Variants in NELL1 observed in about 807,000 individuals in gnomAD.
The protein encoded by NELL1 is protein kinase C-binding protein NELL1.
Under a neutral mutation model 107.4 loss-of-function variants are expected in NELL1, and 76 were observed. The observed-to-expected ratio is 0.71, with a 90% CI of 0.59 to 0.86. NELL1 has a LOEUF of 0.86. Ranked by LOEUF, NELL1 falls within the 40% of genes least tolerant of loss-of-function variation. NELL1 has a pLI of 0.00. For missense variants in NELL1, 1,024 were observed against 1,005.5 expected (o/e 1.02, Z -0.25); for synonymous variants, 353 against 341.2 (o/e 1.03, Z -0.38).
chr11:21,273,246 C>T lies in NELL1; in HGVS notation c.1549+43792C>T, dbSNP rs150727950. 5.7e-3 allele frequency among the ~76,000 whole-genome samples: 874 copies of T among 152,192 alleles called. 6 individuals carry two copies. Among genetic ancestry groups the T allele is most frequent in the African/African-American group, 0.019 (797 of 41,504 alleles). ...GCTGAAAACCAAGGCATGCGAACTA[C>T]GTGATGAATGCACAAGCCTCAGTAG... is the stretch of plus-strand genomic sequence containing the variant. On this transcript the variant is annotated intron_variant, in intron 14 of 19. Coordinates refer to ENST00000357134, the MANE Select transcript of NELL1 (RefSeq NM_006157.5).
At chr11:20,688,572 T>C (rs1248807240) in intron 2 of NELL1, among the ~76,000 whole-genome samples, 1 of 152,160 alleles carries the variant, frequency 6.6e-6, no homozygotes, top group African/African-American at 2.4e-5. Flanking sequence ...TTGTTTCTTT[T>C]TATGGCTGTG....
At chr11:21,073,543 G>T (rs901682690) in intron 12 of NELL1, among the ~76,000 whole-genome samples, 5 of 152,234 alleles carry the variant, frequency 3.3e-5, no homozygotes, top group African/African-American at 1.2e-4. Flanking sequence ...ATGTCTTCAT[G>T]GGTAGGGCAA....
intron 3 of NELL1, among the ~76,000 whole-genome samples, chr11:20,818,469 T>C (rs1008469113): frequency 2.0e-5 from 3 of 150,364 alleles, no homozygotes; most frequent in African/African-American, 7.4e-5. Context: ...AGAAATTGAG[T>C]AGTTTGTCCA....
intron 12 of NELL1, among the ~76,000 whole-genome samples, chr11:20,961,935 C>A (rs1222912286): frequency 1.3e-5 from 2 of 152,152 alleles, no homozygotes; most frequent in Non-Finnish European, 2.9e-5. Flanking sequence ...CTTATTACTA[C>A]TAGAGACCAG....
chr11:21,337,211 A>G (rs1350159227), intron 14 of NELL1, among the ~76,000 whole-genome samples: 2 of 152,134 alleles, frequency 1.3e-5, no homozygotes, highest in Non-Finnish European at 2.9e-5. Flanking sequence ...CAGTCTATAT[A>G]ATTTACTATC....
chr11:21,373,903 G>T (rs565067649), intron 15 of NELL1, among the ~76,000 whole-genome samples: 4 of 152,186 alleles, frequency 2.6e-5, no homozygotes, highest in Admixed American at 2.6e-4. Flanking sequence ...ATCAGTAAGA[G>T]GAGTAGTTTT....
intron 14 of NELL1, among the ~76,000 whole-genome samples, chr11:21,275,852 G>C (rs970148389): frequency 6.6e-6 from 1 of 151,944 alleles, no homozygotes; most frequent in South Asian, 2.1e-4. Context: ...ATTCAACAAC[G>C]CTTCATCCTA....
intron 4 of NELL1, among the ~76,000 whole-genome samples, chr11:20,870,680 C>T (rs963368786): frequency 2.0e-5 from 3 of 152,132 alleles, no homozygotes; most frequent in Non-Finnish European, 4.4e-5. Flanking sequence ...ATTTTTCTTC[C>T]ACAATGAACA....
At chr11:20,835,303 C>A (rs1848514246) in intron 3 of NELL1, among the ~76,000 whole-genome samples, 1 of 152,194 alleles carries the variant, frequency 6.6e-6, no homozygotes, top group Non-Finnish European at 1.5e-5. Flanking sequence ...TGACAAGAGG[C>A]ATACTTTGTA....
chr11:21,213,447 T>G (rs752399425), intron 13 of NELL1, among the ~76,000 whole-genome samples: 31 of 152,264 alleles, frequency 2.0e-4, no homozygotes, highest in Admixed American at 3.3e-4. Context: ...GATTTTTTTA[T>G]AGATACTGTA....
chr11:20,669,842 G>T lies in NELL1; in HGVS notation c.55+64G>T, dbSNP rs992748287. On this transcript the variant is annotated intron_variant, in intron 1 of 19. Transcript: ENST00000357134. This position sits in a 1 kb window ranked among gnomAD's most constrained non-coding sequence, Gnocchi z 4.4. Reference sequence around the variant, plus strand: ...GGGGGTGCCCACAGACCACGGCGGCGTGGGGAGACCTGGAGCCGAGCTTTG... The same window carrying T: ...GGGGGTGCCCACAGACCACGGCGGCTTGGGGAGACCTGGAGCCGAGCTTTG... 2.1e-6 allele frequency: 3 copies of T among 1,406,922 alleles called. No individual in the cohort carries two copies. Among genetic ancestry groups the T allele is most frequent in the South Asian group, 1.2e-5 (1 of 86,600 alleles). 87.2% of individuals were successfully genotyped at this position (1,406,922 alleles called of 1,614,324 possible).
Position 21,400,476 on chromosome 11 carries a change from A to C in NELL1, c.1645+29528A>C, listed in dbSNP as rs1267358672. Reference sequence around the variant, plus strand: ...AGGAACATTACATTTATTCCCATTTAACTTCCACTTTTGAATTTGACCCAC... The same window carrying C: ...AGGAACATTACATTTATTCCCATTTCACTTCCACTTTTGAATTTGACCCAC... On this transcript the variant is annotated intron_variant, in intron 15 of 19. Coordinates refer to ENST00000357134, the MANE Select transcript of NELL1 (RefSeq NM_006157.5). Among the ~76,000 whole-genome samples, 4 of 151,810 alleles carry C rather than the reference A, an allele frequency of 2.6e-5. No homozygotes were observed. In the South Asian group the frequency reaches 6.2e-4, roughly 24 times the overall value.
At chr11:21,030,732 T>A (rs11025880) in intron 12 of NELL1, among the ~76,000 whole-genome samples, 17,443 of 151,964 alleles carry the variant, frequency 0.11, 1,710 homozygotes, top group East Asian at 0.35. Context: ...TTAATTTTTT[T>A]AAATTTAGAT....
At chr11:21,316,857 G>A (rs938278117) in intron 14 of NELL1, among the ~76,000 whole-genome samples, 5 of 152,098 alleles carry the variant, frequency 3.3e-5, no homozygotes, top group Admixed American at 6.6e-5. Flanking sequence ...GGAAGAGGCA[G>A]GGAAAGGGGT....
chr11:21,044,587 A>G (rs1853312796), intron 12 of NELL1, among the ~76,000 whole-genome samples: 1 of 152,154 alleles, frequency 6.6e-6, no homozygotes, highest in Admixed American at 6.6e-5. Flanking sequence ...GAAAGATCCA[A>G]TAGAGATGTT....
intron 13 of NELL1, among the ~76,000 whole-genome samples, chr11:21,208,704 C>T (rs556814856): frequency 1.3e-5 from 2 of 152,162 alleles, no homozygotes; most frequent in East Asian, 1.9e-4. Context: ...TTCCAAGAGA[C>T]TGAATCATCT....
chr11:20,735,778 A>G lies in NELL1; in HGVS notation c.185-47902A>G, dbSNP rs117977343. Among the ~76,000 whole-genome samples the G allele has an allele frequency of 7.8e-3, 1,193 of 152,338 alleles. 12 individuals carry two copies. The highest frequency in any genetic ancestry group is 0.017 in the Admixed American group (256 of 15,306). On this transcript the variant is annotated intron_variant, in intron 2 of 19. Transcript: ENST00000357134. ...GGGTTAGATAAAAAGGTACAGTGAC[A>G]AAGAGCAGTAGCTGAATGCTGACTT...
intron 4 of NELL1, among the ~76,000 whole-genome samples, chr11:20,884,403 A>G (rs978092209): frequency 6.6e-6 from 1 of 152,214 alleles, no homozygotes; most frequent in African/African-American, 2.4e-5. Flanking sequence ...GCCGTTGCTC[A>G]GTCCTCAGCG....
At chr11:20,848,008 A>G (rs2278318) in intron 4 of NELL1, among the ~76,000 whole-genome samples, 23,306 of 152,104 alleles carry the variant, frequency 0.15, 2,461 homozygotes, top group East Asian at 0.34. Context: ...GCAGATTGGG[A>G]AATAGTAAGT....
Sources: gnomAD v4.1 joint callset for allele counts (sites outside exome capture counted in the v4.1 genomes callset) on GRCh38, gnomAD v4.1.1 for gene constraint, Gnocchi (gnomAD v3.1) non-coding constraint, MANE v1.5 for transcripts, NCBI Gene and HGNC (gene_info 2026-07-23, HGNC 2026-07-21) for gene names.